EPHB1: variants seen among roughly 807,000 people sequenced by gnomAD.
The protein encoded by EPHB1 is EPH receptor B1.
EPHB1 carries 30 observed loss-of-function variants against 94.4 expected under a neutral mutation model. The observed-to-expected ratio is 0.32, with a 90% CI of 0.24 to 0.43. The LOEUF is 0.43. Ranked by LOEUF, EPHB1 falls within the 20% of genes least tolerant of loss-of-function variation. The pLI is 1.00. For missense variants in EPHB1, 1,055 were observed against 1,308.3 expected (o/e 0.81, Z 2.99); for synonymous variants, 522 against 489.1 (o/e 1.07, Z -0.89).
intron 4 of EPHB1, among the ~76,000 whole-genome samples, chr3:135,110,163 T>A (rs1939383411): frequency 6.6e-6 from 1 of 152,224 alleles, no homozygotes; most frequent in South Asian, 2.1e-4. Flanking sequence ...AATAATTACC[T>A]TGTTACATTG....
At chr3:135,065,131 A>G (rs1386483791) in intron 3 of EPHB1, among the ~76,000 whole-genome samples, 2 of 152,130 alleles carry the variant, frequency 1.3e-5, no homozygotes, top group South Asian at 2.1e-4. Context: ...CATATGGTCT[A>G]TCTTGGAGAA....
At chr3:135,240,807 T>C (rs1943765663) in intron 12 of EPHB1, among the ~76,000 whole-genome samples, 1 of 152,314 alleles carries the variant, frequency 6.6e-6, no homozygotes, top group South Asian at 2.1e-4. Context: ...TTGTTTCTCA[T>C]GTAGCCAATC....
chr3:135,151,641 T>C (rs932850405), intron 5 of EPHB1, among the ~76,000 whole-genome samples: 5 of 152,230 alleles, frequency 3.3e-5, no homozygotes, highest in African/African-American at 1.2e-4. Context: ...CTCTAGAACC[T>C]AAAAAGTGAC....
At chr3:135,242,583 G>A (rs974076219) in intron 13 of EPHB1, among the ~76,000 whole-genome samples, 2 of 152,162 alleles carry the variant, frequency 1.3e-5, no homozygotes, top group African/African-American at 4.8e-5. Flanking sequence ...TGAAATGGCT[G>A]CACCATTAAC....
intron 1 of EPHB1, among the ~76,000 whole-genome samples, chr3:134,912,579 G>C (rs779689697): frequency 5.3e-5 from 8 of 152,220 alleles, no homozygotes; most frequent in Admixed American, 2.0e-4. Flanking sequence ...GGTATGCTCT[G>C]TGTCAGGAAG....
At chr3:135,213,089 T>A (rs1380795482) in intron 12 of EPHB1, among the ~76,000 whole-genome samples, 1 of 152,248 alleles carries the variant, frequency 6.6e-6, no homozygotes, top group East Asian at 1.9e-4. Context: ...TAAAGTTTTC[T>A]AGTTTTTCCT....
chr3:134,985,484 G>T (rs1371451009), intron 3 of EPHB1, among the ~76,000 whole-genome samples: 1 of 152,174 alleles, frequency 6.6e-6, no homozygotes, highest in Non-Finnish European at 1.5e-5. Context: ...GTGCAGCAGA[G>T]CAATTAAAGA....
chr3:134,929,514 A>G (rs2038862777), intron 2 of EPHB1, among the ~76,000 whole-genome samples: 1 of 152,208 alleles, frequency 6.6e-6, no homozygotes, highest in African/African-American at 2.4e-5. Context: ...GGGATCATCC[A>G]GAGTTCTGGT....
At chr3:135,114,383 T>G (rs1939588199) in intron 4 of EPHB1, among the ~76,000 whole-genome samples, 1 of 151,736 alleles carries the variant, frequency 6.6e-6, no homozygotes, top group Non-Finnish European at 1.5e-5. Context: ...TCTGCCTCAC[T>G]GCACTGTTGT....
chr3:135,167,885 G>A (rs1941694459), intron 9 of EPHB1, among the ~76,000 whole-genome samples: 1 of 152,106 alleles, frequency 6.6e-6, no homozygotes, highest in Non-Finnish European at 1.5e-5. Flanking sequence ...GGTGCTTCCT[G>A]TTTTCTCAGC....
intron 3 of EPHB1, among the ~76,000 whole-genome samples, chr3:135,013,376 C>T (rs1935684543): frequency 6.6e-6 from 1 of 152,198 alleles, no homozygotes; most frequent in Non-Finnish European, 1.5e-5. Flanking sequence ...CATTGCCTGC[C>T]TGTCAGGGGG....
At chr3:135,203,789 G>C (rs1942822752) in intron 12 of EPHB1, among the ~76,000 whole-genome samples, 1 of 152,062 alleles carries the variant, frequency 6.6e-6, no homozygotes, top group South Asian at 2.1e-4. Context: ...ATTCCTCTGT[G>C]ATCTGGGGTG....
intron 2 of EPHB1, among the ~76,000 whole-genome samples, chr3:134,948,780 C>T (rs9868665): frequency 0.31 from 47,752 of 152,184 alleles, 7,776 homozygotes; most frequent in Middle Eastern, 0.5. Context: ...CCCCTCAGGG[C>T]TCACTGACTC....
chr3:134,930,491 C>T (rs1031607849), intron 2 of EPHB1, among the ~76,000 whole-genome samples: 1 of 152,198 alleles, frequency 6.6e-6, no homozygotes, highest in Non-Finnish European at 1.5e-5. Context: ...TCCCAGGGAC[C>T]CTCACCACAG....
At chr3:134,847,778 C>T (rs556629642) in intron 1 of EPHB1, among the ~76,000 whole-genome samples, 2 of 152,276 alleles carry the variant, frequency 1.3e-5, no homozygotes, top group South Asian at 4.1e-4. Flanking sequence ...AGTCAGATTC[C>T]ATGTTTGGAT....
At chr3:135,002,947 T>C (rs2107743950) in intron 3 of EPHB1, among the ~76,000 whole-genome samples, 1 of 152,300 alleles carries the variant, frequency 6.6e-6, no homozygotes, top group African/African-American at 2.4e-5. Context: ...GTTTTTTGTG[T>C]CTCTATTTCC....
At chr3:134,915,289 C>T (rs1002019093) in intron 1 of EPHB1, among the ~76,000 whole-genome samples, 3 of 152,148 alleles carry the variant, frequency 2.0e-5, no homozygotes, top group African/African-American at 4.8e-5. Flanking sequence ...TAGAGTATGA[C>T]GGACCCCTCA....
At chr3:135,211,319 A>T (rs1943028463) in intron 12 of EPHB1, among the ~76,000 whole-genome samples, 1 of 152,216 alleles carries the variant, frequency 6.6e-6, no homozygotes, top group African/African-American at 2.4e-5. Context: ...TTAAACAGCC[A>T]TGTGTATTTT....
At chr3:134,865,745 C>G (rs1036641858) in intron 1 of EPHB1, among the ~76,000 whole-genome samples, 3 of 151,640 alleles carry the variant, frequency 2.0e-5, no homozygotes, top group African/African-American at 7.3e-5. Flanking sequence ...AAGCAAGATG[C>G]AAAACAGAGT....
Sources: gnomAD v4.1 joint callset for allele counts (sites outside exome capture counted in the v4.1 genomes callset) on GRCh38, gnomAD v4.1.1 for gene constraint, MANE v1.5 for transcripts, NCBI Gene and HGNC (gene_info 2026-07-23, HGNC 2026-07-21) for gene names.